The following SELP variants were observed in gnomAD, a reference collection of about 807,000 sequenced individuals.
SELP encodes P-selectin.
Under a neutral mutation model 104.1 loss-of-function variants are expected in SELP, and 92 were observed. The ratio of observed to expected loss-of-function variants is 0.88; its 90% CI spans 0.75 to 1.05. The LOEUF is 1.05. Among genes scored for constraint, SELP ranks in the 50% least tolerant of loss-of-function variants. The pLI, the probability that SELP is intolerant of heterozygous loss-of-function variation, is 0.00. For missense variants in SELP, 1,022 were observed against 1,017.3 expected (o/e 1.00, Z -0.06); for synonymous variants, 397 against 364.5 (o/e 1.09, Z -1.01).
chr1:169,607,078 G>T lies in SELP; in HGVS notation c.1390C>A (p.Pro464Thr). Residue 464 changes from proline to threonine, a missense_variant, in exon 9 of 17, where the codon CCC becomes ACC. Pro to Thr is a conservative substitution (Grantham distance 38, BLOSUM62 -1). Coordinates refer to ENST00000263686, the MANE Select transcript of SELP (RefSeq NM_003005.4). ...PNEARVNCSH[P>T]FGAFRYQSVC... ...GACTGGTACCTAAAGGCACCGAAGGGGTGGGAGCAGTTCACCCGGGCCTCA... is the reference window on the plus strand; with the variant it reads ...GACTGGTACCTAAAGGCACCGAAGGTGTGGGAGCAGTTCACCCGGGCCTCA... The T allele has an allele frequency of 6.2e-7, 1 of 1,611,636 alleles. No individual in the cohort carries two copies. Among genetic ancestry groups the T allele is most frequent in the Admixed American group, 1.7e-5 (1 of 59,964 alleles).
rs755060112 is a variant in SELP, at chr1:169,594,783, GA to G, written c.2195del (p.Phe732SerfsTer4). ...TAAGTAACTGGCCCTCTAGACAATG[GA>G]AAGAGCAGATTGATCCATAACTGAA... ...GNFSYGSICS[F>X]HCLEGQLLNG... On this transcript the variant is annotated frameshift_variant, in exon 13 of 17. Transcript: ENST00000263686. LOFTEE classifies it high-confidence loss of function. 3.1e-6 allele frequency: 5 copies of G among 1,613,762 alleles called. No individual in the cohort carries two copies. The highest frequency in any genetic ancestry group is 4.2e-6 in the Non-Finnish European group (5 of 1,179,846).
chr1:169,621,855 A>G (rs3917687), intron 1 of SELP, among the ~76,000 whole-genome samples: 29,047 of 152,164 alleles, frequency 0.19, 3,515 homozygotes, highest in Middle Eastern at 0.29. Flanking sequence ...ACCTAACCCC[A>G]CTGCTTTCTC....
At chr1:169,591,535 T>C in intron 14 of SELP, 79 bp from the exon 15 acceptor site, 2 of 1,023,252 alleles carry the variant, frequency 2.0e-6, no homozygotes, top group South Asian at 1.6e-5. Context: ...AGGATAGAAA[T>C]TACTGGGGAA....
chr1:169,604,259 G>T (rs1333199351), intron 9 of SELP, among the ~76,000 whole-genome samples: 1 of 151,948 alleles, frequency 6.6e-6, no homozygotes, highest in Admixed American at 6.6e-5. Context: ...CTTTTGAGAA[G>T]TGTCTGTTCA....
Position 169,590,207 on chromosome 1 carries a change from AG to A in SELP, c.2439-6del. On this transcript the variant is annotated splice_region_variant and splice_polypyrimidine_tract_variant and intron_variant, in intron 15 of 16. Transcript: ENST00000263686. The stretch of plus-strand genomic sequence containing the variant: ...ACTCCATATGTTCCTAGGTGGCTAA[AG>A]AACAGAAACACAAGGATGGCAACAA... The A allele has an allele frequency of 6.2e-7, 1 of 1,611,660 alleles. No homozygotes were observed. Among genetic ancestry groups the A allele is most frequent in the Non-Finnish European group, 8.5e-7 (1 of 1,177,794 alleles).
chr1:169,623,816 G>A (rs564681952), intron 1 of SELP, among the ~76,000 whole-genome samples: 3 of 152,102 alleles, frequency 2.0e-5, no homozygotes, highest in South Asian at 4.2e-4. Flanking sequence ...TTCAGACTTC[G>A]AATGCCTAAG....
At chr1:169,609,453 T>G in intron 8 of SELP, 51 bp downstream of exon 8, 1 of 1,535,980 alleles carries the variant, frequency 6.5e-7, no homozygotes, top group Non-Finnish European at 8.9e-7. Context: ...CAGATGCTGA[T>G]GCCTCTAACG....
intron 5 of SELP, among the ~76,000 whole-genome samples, chr1:169,612,646 C>T (rs1662600739): frequency 6.6e-6 from 1 of 152,030 alleles, no homozygotes; most frequent in Admixed American, 6.6e-5. Context: ...CATCATTGTA[C>T]TCTGTTTACT....
intron 10 of SELP, among the ~76,000 whole-genome samples, chr1:169,601,021 A>G (rs1443792939): frequency 6.6e-6 from 1 of 152,254 alleles, no homozygotes; most frequent in Non-Finnish European, 1.5e-5. Flanking sequence ...CAAGGGCTTT[A>G]GAGATTACAG....
chr1:169,611,798 G>T, intron 6 of SELP, 121 bp from the exon 7 acceptor site: 2 of 935,944 alleles, frequency 2.1e-6, no homozygotes, highest in Non-Finnish European at 3.2e-6. Context: ...AAGGTCAAGA[G>T]ACCCTAATGA....
chr1:169,626,732 T>C (rs1663392708), intron 1 of SELP, among the ~76,000 whole-genome samples: 1 of 152,190 alleles, frequency 6.6e-6, no homozygotes, highest in Non-Finnish European at 1.5e-5. Context: ...TCTTGCTCTG[T>C]TGCCCAGGCT....
chr1:169,611,941 T>G (rs1662557976), intron 6 of SELP, among the ~76,000 whole-genome samples: 1 of 152,088 alleles, frequency 6.6e-6, no homozygotes, highest in Non-Finnish European at 1.5e-5. Flanking sequence ...GGTCTTCTAG[T>G]GTCCACTTAT....
intron 15 of SELP, among the ~76,000 whole-genome samples, chr1:169,591,182 T>A (rs1315992922): frequency 6.6e-6 from 1 of 152,228 alleles, no homozygotes; most frequent in Non-Finnish European, 1.5e-5. Flanking sequence ...TTGCATCTAC[T>A]GGCACAGCGC....
intron 13 of SELP, 95 bp downstream of exon 13, chr1:169,594,597 A>G (rs1661504602): frequency 8.0e-7 from 1 of 1,248,818 alleles, no homozygotes; most frequent in East Asian, 2.4e-5. Context: ...CCGGGGATGG[A>G]AAGCAAGACC....
chr1:169,605,968 C>T (rs367799431), intron 9 of SELP, among the ~76,000 whole-genome samples: 2 of 152,076 alleles, frequency 1.3e-5, no homozygotes, highest in East Asian at 1.9e-4. Context: ...GACTAGAACC[C>T]GTTCAAGTTC....
chr1:169,620,463 T>C (rs1429192613), intron 1 of SELP, among the ~76,000 whole-genome samples: 3 of 151,338 alleles, frequency 2.0e-5, no homozygotes, highest in Non-Finnish European at 4.4e-5. Flanking sequence ...TGATAAAGCA[T>C]GCGACATGAC....
At position 169,612,937 on chromosome 1, in the gene SELP, T is replaced by C. The variant is rs201305839; in HGVS notation, c.767A>G (p.Gln256Arg). ...GAATAAGGTCTACATACCTAAACACTGTGGAGGCTTATTTGTCCAGATTCC... is the reference window on the plus strand; with the variant it reads ...GAATAAGGTCTACATACCTAAACACCGTGGAGGCTTATTTGTCCAGATTCC... ...ASGIWTNKPP[Q>R]CLAAQCPPLK... The change falls in exon 5 of 17, where the codon CAG becomes CGG. Residue 256 changes from glutamine (Q) to arginine (R), a missense_variant. By Grantham distance (43) the Gln-to-Arg change is conservative (BLOSUM62 1). Transcript: ENST00000263686. 6.2e-7 allele frequency: 1 copy of C among 1,610,492 alleles called. No individual in the cohort carries two copies. The highest frequency in any genetic ancestry group is 8.5e-7 in the Non-Finnish European group (1 of 1,177,788).
rs954221578 is a variant in SELP, at chr1:169,594,742, G to C, written c.2237C>G (p.Thr746Arg). The change falls in exon 13 of 17, where the codon ACA becomes AGA. Residue 746 changes from threonine (T) to arginine (R), a missense_variant. Transcript: ENST00000263686. The stretch of plus-strand genomic sequence containing the variant: ...CCAGTGGCCATTCTCTTGGCATGCT[G>C]TTTGTGCAGAGCCATTAAGTAACTG... ...EGQLLNGSAQ[T>R]ACQENGHWST... is the part of the protein sequence containing the mutation. The C allele has an allele frequency of 1.2e-6, 2 of 1,613,824 alleles. No individual in the cohort carries two copies. The highest frequency in any genetic ancestry group is 1.7e-6 in the Non-Finnish European group (2 of 1,179,808).
At chr1:169,620,482 G>A (rs1663043576) in intron 1 of SELP, among the ~76,000 whole-genome samples, 1 of 150,958 alleles carries the variant, frequency 6.6e-6, no homozygotes, top group Admixed American at 6.6e-5. Context: ...ACCAAGCCTA[G>A]CTGCTACATC....
Sources: gnomAD v4.1 joint callset for allele counts (sites outside exome capture counted in the v4.1 genomes callset) on GRCh38, gnomAD v4.1.1 for gene constraint, MANE v1.5 for transcripts, NCBI Gene and HGNC (gene_info 2026-07-23, HGNC 2026-07-21) for gene names.